Variants in LPP observed in about 807,000 individuals in gnomAD.
LPP encodes the protein lipoma-preferred partner.
In LPP, 38 loss-of-function variants were observed where a neutral mutation model predicts 60.4. The observed-to-expected ratio is 0.63, with a 90% CI of 0.49 to 0.83. The LOEUF is 0.83. Among genes scored for constraint, LPP ranks in the 40% least tolerant of loss-of-function variants. The pLI, the probability that LPP is intolerant of heterozygous loss-of-function variation, is 0.00. For missense variants in LPP, 902 were observed against 783.6 expected, an observed-to-expected ratio of 1.15 and a Z score of -1.80; for synonymous variants, 328 against 290.8, an observed-to-expected ratio of 1.13 and a Z score of -1.30.
At chr3:188,652,537 A>G (rs1220527338) in intron 7 of LPP, among the ~76,000 whole-genome samples, 2 of 151,756 alleles carry the variant, frequency 1.3e-5, no homozygotes, top group Non-Finnish European at 2.9e-5. Flanking sequence ...CCGATTCTGT[A>G]AAATGCAAAA....
At chr3:188,309,464 C>T (rs1483157556) in intron 2 of LPP, among the ~76,000 whole-genome samples, 4 of 152,110 alleles carry the variant, frequency 2.6e-5, no homozygotes, top group Non-Finnish European at 5.9e-5. Context: ...TTGTTCTTCT[C>T]TGGTTGGGGA....
In LPP at chr3:188,876,354, GT is replaced by G; in HGVS notation, c.*1879del. ...GCTCATTTGCTTTTGTCACTAAACGGTTTTGTGTTAGAACCACCAAAATTAT... is the reference window on the plus strand; with the variant it reads ...GCTCATTTGCTTTTGTCACTAAACGGTTTGTGTTAGAACCACCAAAATTAT... On this transcript the variant is annotated 3_prime_UTR_variant, in exon 12 of 12. Transcript: ENST00000617246. 5.2e-6 allele frequency: 1 copy of G among 191,182 alleles called. No homozygotes were observed. The allele number at this position is 191,182 out of a possible 1,614,324, so 11.8% of individuals were successfully genotyped here. A position where few individuals can be genotyped will look rare whatever the true frequency, so the allele number is the denominator to read the frequency against.
chr3:188,807,260 C>A (rs1475566331), intron 9 of LPP, among the ~76,000 whole-genome samples: 1 of 151,960 alleles, frequency 6.6e-6, no homozygotes, highest in East Asian at 1.9e-4. Flanking sequence ...TGATCTCAAA[C>A]TTTTATCCTT....
At chr3:188,214,731 G>T (rs1225639267) in intron 1 of LPP, among the ~76,000 whole-genome samples, 1 of 152,194 alleles carries the variant, frequency 6.6e-6, no homozygotes, top group African/African-American at 2.4e-5. Context: ...GAGACAGGAG[G>T]AGAGAGCCTT....
intron 1 of LPP, among the ~76,000 whole-genome samples, chr3:188,191,448 T>C (rs1256093401): frequency 1.3e-5 from 2 of 152,194 alleles, no homozygotes; most frequent in Non-Finnish European, 2.9e-5. Flanking sequence ...TTTGTGGGCA[T>C]CAGAGGACCA....
chr3:188,600,633 G>T (rs553072958), intron 6 of LPP, among the ~76,000 whole-genome samples: 8 of 151,936 alleles, frequency 5.3e-5, no homozygotes, highest in Non-Finnish European at 1.0e-4. Flanking sequence ...ACATTGTTGT[G>T]CAACCATCAC....
At chr3:188,774,595 C>G (rs1011960068) in intron 9 of LPP, among the ~76,000 whole-genome samples, 1 of 152,080 alleles carries the variant, frequency 6.6e-6, no homozygotes, top group Non-Finnish European at 1.5e-5. Context: ...ATCACCATAA[C>G]AAAAATACAA....
intron 3 of LPP, among the ~76,000 whole-genome samples, chr3:188,371,641 A>ATATATATATAT (rs1553878071): frequency 2.2e-4 from 7 of 32,176 alleles, no homozygotes; most frequent in Non-Finnish European, 2.6e-4. Context: ...ATATATATAT[A>ATATATATATAT]TTTTTTTTTT....
intron 8 of LPP, among the ~76,000 whole-genome samples, chr3:188,749,226 A>C (rs1350393889): frequency 6.6e-6 from 1 of 152,170 alleles, no homozygotes; most frequent in Admixed American, 6.5e-5. Context: ...GAAGAAACTG[A>C]TACTTGAGGT....
intron 9 of LPP, among the ~76,000 whole-genome samples, chr3:188,838,649 A>T (rs955266188): frequency 6.6e-6 from 1 of 152,190 alleles, no homozygotes; most frequent in Non-Finnish European, 1.5e-5. Flanking sequence ...AATGTGGCAC[A>T]TACACGCCAT....
At chr3:188,841,138 A>C (rs575115368) in intron 9 of LPP, among the ~76,000 whole-genome samples, 1 of 152,302 alleles carries the variant, frequency 6.6e-6, no homozygotes, top group South Asian at 2.1e-4. Flanking sequence ...GCGTGTGTTC[A>C]TGAGTCCTTG....
chr3:188,854,993 G>T (rs1247385703), intron 9 of LPP, among the ~76,000 whole-genome samples: 1 of 152,106 alleles, frequency 6.6e-6, no homozygotes, highest in East Asian at 1.9e-4. Context: ...GTGCAGGCAG[G>T]CAGTCATTAC....
rs1035304329 is a variant in LPP at position 188,878,178 on chromosome 3, G to A, written c.*3699G>A. The stretch of plus-strand genomic sequence containing the variant: ...AAATCCTATTAATGTGAACCAGCCA[G>A]GAATAACAGTGTTATTTCTATTGGA... On this transcript the variant is annotated 3_prime_UTR_variant, in exon 12 of 12. Coordinates refer to ENST00000617246, the MANE Select transcript of LPP (RefSeq NM_001375462.1). 4 of 217,954 alleles carry A rather than the reference G, an allele frequency of 1.8e-5. No individual in the cohort carries two copies. Among genetic ancestry groups the A allele is most frequent in the African/African-American group, 9.0e-5 (4 of 44,460 alleles). The allele number at this position is 217,954 out of a possible 1,614,324, so 13.5% of individuals were successfully genotyped here.
chr3:188,154,498 C>T (rs1294198925), intron 1 of LPP, among the ~76,000 whole-genome samples: 8 of 152,104 alleles, frequency 5.3e-5, no homozygotes, highest in Admixed American at 1.3e-4. Flanking sequence ...GAGCCTTGCG[C>T]GCCCCCTGCC....
intron 7 of LPP, among the ~76,000 whole-genome samples, chr3:188,659,877 G>A (rs1206836593): frequency 6.7e-6 from 1 of 150,346 alleles, no homozygotes; most frequent in Non-Finnish European, 1.5e-5. Context: ...CAATCTATAT[G>A]CCCTCTGCTT....
chr3:188,755,809 C>CAAAAAAAAAAAA (rs58696911), intron 8 of LPP, among the ~76,000 whole-genome samples: 4 of 73,986 alleles, frequency 5.4e-5, no homozygotes, highest in Non-Finnish European at 8.2e-5. Flanking sequence ...GATCCTGTCA[C>CAAAAAAAAAAAA]AAAAAAAAAA....
chr3:188,394,025 G>C (rs954151290), intron 3 of LPP, among the ~76,000 whole-genome samples: 1 of 152,106 alleles, frequency 6.6e-6, no homozygotes, highest in Non-Finnish European at 1.5e-5. Context: ...TTGGGGTTTT[G>C]TTTATGATTT....
intron 7 of LPP, chr3:188,688,792 T>A (rs1353911482): frequency 1.9e-6 from 1 of 531,426 alleles, no homozygotes; most frequent in Admixed American, 2.0e-5. Context: ...GTCCTTGCCC[T>A]CAAGGAGCTC....
chr3:188,438,220 G>A (rs182912238), intron 4 of LPP, among the ~76,000 whole-genome samples: 2 of 152,254 alleles, frequency 1.3e-5, no homozygotes, highest in South Asian at 2.1e-4. Flanking sequence ...ACCAGTCATA[G>A]CTGTGTAACT....
Sources: allele counts gnomAD v4.1 joint callset (sites outside exome capture counted in the v4.1 genomes callset), GRCh38; gene constraint gnomAD v4.1.1; transcripts MANE v1.5; gene names NCBI Gene and HGNC (gene_info 2026-07-23, HGNC 2026-07-21).